The following DMXL2 variants were observed in gnomAD, a reference collection of about 807,000 sequenced individuals.
DMXL2 encodes the protein Dmx like 2.
DMXL2 carries 103 observed loss-of-function variants against 331.1 expected under a neutral mutation model. The ratio of observed to expected loss-of-function variants is 0.31; its 90% CI spans 0.27 to 0.37. The LOEUF is 0.37. DMXL2 is among the 10% of genes least tolerant of loss of function. DMXL2 has a pLI of 1.00. For missense variants in DMXL2, 3,171 were observed against 3,642.9 expected (o/e 0.87, Z 3.33); for synonymous variants, 1,281 against 1,252.1 (o/e 1.02, Z -0.49).
chr15:51,518,075 T>C (rs558697278), intron 13 of DMXL2, among the ~76,000 whole-genome samples: 132 of 152,276 alleles, frequency 8.7e-4, no homozygotes, highest in Non-Finnish European at 1.5e-3. Flanking sequence ...CTCACACCTG[T>C]AATTCCAGCA....
chr15:51,474,043 T>G (rs2041360018), intron 28 of DMXL2, among the ~76,000 whole-genome samples: 1 of 152,090 alleles, frequency 6.6e-6, no homozygotes, highest in Non-Finnish European at 1.5e-5. Flanking sequence ...GGAACTACTC[T>G]TTTTGTATGA....
chr15:51,514,434 T>C lies in DMXL2; in HGVS notation c.2644+8A>G. The C allele has an allele frequency of 6.8e-7, 1 of 1,470,202 alleles. No individual in the cohort carries two copies. The highest frequency in any genetic ancestry group is 9.3e-7 in the Non-Finnish European group (1 of 1,072,424). The allele number at this position is 1,470,202 out of a possible 1,614,324, so 91.1% of individuals were successfully genotyped here. A position where few individuals can be genotyped will look rare whatever the true frequency, so the allele number is the denominator to read the frequency against. The stretch of plus-strand genomic sequence containing the variant: ...GGTAAACAAATGCAGACTATTTTTT[T>C]AAAGTACCTTGTGATGGCTGAAAAA... On this transcript the variant is annotated splice_region_variant and intron_variant, in intron 15 of 43. Transcript: ENST00000560891.
Position 51,476,619 on chromosome 15 carries a change from T to C in DMXL2, c.6934A>G (p.Thr2312Ala). The C allele has an allele frequency of 6.2e-7, 1 of 1,611,036 alleles. No homozygotes were observed. The highest frequency in any genetic ancestry group is 2.2e-5 in the East Asian group (1 of 44,752). Residue 2312 changes from threonine (T) to alanine (A), a missense_variant, in exon 27 of 44, where the codon ACA becomes GCA. By Grantham distance (58) the Thr-to-Ala change is moderately conservative. Transcript: ENST00000560891. ...LRTESIEEHA[T>A]PNSSPAQWPG... ...CATTGAGCAGGAGATGAATTTGGTG[T>C]TGCGTGTTCTTCAATGCTTTCTGTC...
At chr15:51,602,371 A>G (rs1026281499) in intron 1 of DMXL2, among the ~76,000 whole-genome samples, 1 of 152,138 alleles carries the variant, frequency 6.6e-6, no homozygotes, top group Non-Finnish European at 1.5e-5. Context: ...CAGCCCCCAA[A>G]TAATTCCACA....
At chr15:51,455,742 T>G (rs1354981047) in intron 39 of DMXL2, among the ~76,000 whole-genome samples, 1 of 152,212 alleles carries the variant, frequency 6.6e-6, no homozygotes, top group African/African-American at 2.4e-5. Context: ...CTCTAACCTC[T>G]TACTGATGAA....
At chr15:51,530,954 C>T (rs149267744) in intron 13 of DMXL2, among the ~76,000 whole-genome samples, 1 of 152,282 alleles carries the variant, frequency 6.6e-6, no homozygotes, top group East Asian at 1.9e-4. Context: ...AATGTCCACA[C>T]TACCCCAAGC....
intron 34 of DMXL2, 70 bp downstream of exon 34, chr15:51,459,528 G>C: frequency 8.1e-7 from 1 of 1,229,754 alleles, no homozygotes; most frequent in Non-Finnish European, 1.1e-6. Context: ...GTCATGGTTA[G>C]TATCAGAGAT....
At chr15:51,523,206 A>G (rs2047474940) in intron 13 of DMXL2, among the ~76,000 whole-genome samples, 1 of 152,240 alleles carries the variant, frequency 6.6e-6, no homozygotes, top group Admixed American at 6.5e-5. Flanking sequence ...TTGTATTAAG[A>G]AAATCAAAAC....
chr15:51,622,518 C>T lies in DMXL2; in HGVS notation c.28G>A (p.Ala10Thr). 1 of 1,566,418 alleles carries T rather than the reference C, an allele frequency of 6.4e-7. No individual in the cohort carries two copies. The highest frequency in any genetic ancestry group is 8.7e-7 in the Non-Finnish European group (1 of 1,155,180). Residue 10 changes from alanine (A) to threonine (T), a missense_variant, in exon 1 of 44, where the codon GCT (alanine) becomes ACT (threonine). Physicochemically the swap from Ala to Thr is moderately conservative, Grantham distance 58 (BLOSUM62 0). This residue lies in a region of DMXL2 where 1,674 missense variants were observed against 1,780.2 expected (regional missense o/e 0.94). Coordinates refer to ENST00000560891, the MANE Select transcript of DMXL2 (RefSeq NM_001378457.1). The part of the protein sequence containing the change: MHLHQVLTG[A>T]VNPGDNCYSV... ...TAGCAGTTGTCTCCAGGGTTGACAG[C>T]TCCGGTGAGGACCTGATGCAGATGC...
rs1365884293 is a variant in DMXL2 at position 51,476,691 on chromosome 15, C to T, written c.6862G>A (p.Gly2288Arg). The change falls in exon 27 of 44, where the codon GGA becomes AGA. Residue 2288 changes from glycine (G) to arginine (R), a missense_variant. Gly to Arg is a moderately radical substitution (Grantham distance 125). Transcript: ENST00000560891. ...SSQTEGNQFT[G>R]MAYQGLLLSD... Reference sequence around the variant, plus strand: ...AAAAGAAGTCCTTGATAAGCCATTCCTGTAAACTGATTTCCTTCTGTTTGA... The same window carrying T: ...AAAAGAAGTCCTTGATAAGCCATTCTTGTAAACTGATTTCCTTCTGTTTGA... The T allele has an allele frequency of 6.2e-7, 1 of 1,605,854 alleles. No individual in the cohort carries two copies. The highest frequency in any genetic ancestry group is 1.1e-5 in the South Asian group (1 of 88,636).
In DMXL2 at chr15:51,545,461, T is replaced by C. The variant is rs970441498; in HGVS notation, c.930+122A>G. 5.1e-6 allele frequency: 4 copies of C among 779,744 alleles called. No individual in the cohort carries two copies. In the African/African-American group the frequency reaches 5.2e-5, roughly 10 times the overall value. The allele number at this position is 779,744 out of a possible 1,614,324, so 48.3% of individuals were successfully genotyped here. On this transcript the variant is annotated intron_variant, in intron 8 of 43. Transcript: ENST00000560891. ...GTAGTCTTACAAGCATAAATGAGAG[T>C]TTATTGCTATTAATTTCACTCATTA...
intron 2 of DMXL2, among the ~76,000 whole-genome samples, chr15:51,573,311 A>T (rs2050794367): frequency 6.6e-6 from 1 of 152,238 alleles, no homozygotes; most frequent in African/African-American, 2.4e-5. Flanking sequence ...ATCTAGAACC[A>T]GAAATACCAT....
chr15:51,485,921 T>C (rs1422662082), intron 23 of DMXL2, 152 bp downstream of exon 23: 6 of 753,890 alleles, frequency 8.0e-6, no homozygotes, highest in South Asian at 2.5e-5. Context: ...TAATCCTATC[T>C]AATCCTTTAG....
intron 1 of DMXL2, among the ~76,000 whole-genome samples, chr15:51,607,225 G>A (rs1474023854): frequency 2.6e-5 from 4 of 152,002 alleles, no homozygotes; most frequent in Non-Finnish European, 5.9e-5. Flanking sequence ...GGGAGGCCGA[G>A]GCAGGCGGAT....
intron 23 of DMXL2, 117 bp from the exon 24 acceptor site, chr15:51,481,740 GA>G: frequency 3.2e-5 from 30 of 933,882 alleles, no homozygotes; most frequent in Non-Finnish European, 4.4e-5. Flanking sequence ...ATTAACCTAC[GA>G]TAGGTTACAC....
intron 9 of DMXL2, 100 bp from the exon 10 acceptor site, chr15:51,538,552 CA>C (rs2048412149): frequency 1.0e-5 from 9 of 892,262 alleles, no homozygotes; most frequent in Non-Finnish European, 1.4e-5. Flanking sequence ...AGGTGCTAAA[CA>C]AGTCAACATA....
rs749562465 is a variant in DMXL2, at chr15:51,536,581, G to A, written c.1899C>T (p.Ala633=). Residue 633 remains alanine (A), a synonymous_variant, in exon 12 of 44, where the codon GCC becomes GCT. Transcript: ENST00000560891. The part of the protein sequence containing the change: ...QWAVTFADKS[A]FTTVLTVSHK... ...GAGATACAGTTAGAACAGTGGTAAA[G>A]GCAGACTTATCAGCAAAAGTGACTG... is the stretch of plus-strand genomic sequence containing the variant. 1 of 1,613,956 alleles carries A rather than the reference G, an allele frequency of 6.2e-7. No individual in the cohort carries two copies. Among genetic ancestry groups the A allele is most frequent in the Non-Finnish European group, 8.5e-7 (1 of 1,179,956 alleles).
intron 2 of DMXL2, among the ~76,000 whole-genome samples, chr15:51,571,905 A>AAGCTAGC (rs1342134676): frequency 6.6e-6 from 1 of 152,198 alleles, no homozygotes; most frequent in African/African-American, 2.4e-5. Flanking sequence ...ACATATTCAA[A>AAGCTAGC]AGCTAGCAGA....
At chr15:51,535,535 A>G (rs2048240559) in intron 13 of DMXL2, 128 bp downstream of exon 13, 1 of 753,392 alleles carries the variant, frequency 1.3e-6, no homozygotes, top group Admixed American at 3.3e-5. Flanking sequence ...TGTCATATAT[A>G]TGTCATATGC....
Sources: allele counts gnomAD v4.1 joint callset (sites outside exome capture counted in the v4.1 genomes callset), GRCh38; gene constraint gnomAD v4.1.1; regional missense constraint gnomAD v4.1.1; transcripts MANE v1.5; gene names NCBI Gene and HGNC (gene_info 2026-07-23, HGNC 2026-07-21).